GPC6: variants seen among roughly 807,000 people sequenced by gnomAD.
GPC6 encodes the protein glypican-6.
Under a neutral mutation model 55.2 loss-of-function variants are expected in GPC6, and 14 were observed. The ratio of observed to expected loss-of-function variants is 0.25; its 90% confidence interval spans 0.17 to 0.40. The LOEUF is 0.40. Among genes scored for constraint, GPC6 ranks in the 10% least tolerant of loss-of-function variants. The probability of loss-of-function intolerance (pLI) is 1.00; values close to 1 mark genes in which losing one functional copy is unlikely to be tolerated. For missense variants in GPC6, 641 were observed against 708.5 expected, an observed-to-expected ratio of 0.90 and a Z score of 1.08; for synonymous variants, 278 against 259.6, an observed-to-expected ratio of 1.07 and a Z score of -0.68.
chr13:93,736,409 C>T (rs1410859517), intron 2 of GPC6, among the ~76,000 whole-genome samples: 1 of 152,030 alleles, frequency 6.6e-6, no homozygotes, highest in African/African-American at 2.4e-5. Flanking sequence ...TTAATATGTT[C>T]CAATATAATT....
At chr13:93,682,396 T>C (rs1230650177) in intron 2 of GPC6, among the ~76,000 whole-genome samples, 1 of 152,096 alleles carries the variant, frequency 6.6e-6, no homozygotes, top group East Asian at 1.9e-4. Flanking sequence ...TGGACCCTTA[T>C]GCGTACACAC....
At chr13:93,297,149 C>T (rs1878523406) in intron 1 of GPC6, among the ~76,000 whole-genome samples, 2 of 152,294 alleles carry the variant, frequency 1.3e-5, no homozygotes, top group South Asian at 4.1e-4. Flanking sequence ...ACTCTACCCT[C>T]CTACCTTAAA....
At chr13:93,785,592 G>T (rs1157149478) in intron 2 of GPC6, among the ~76,000 whole-genome samples, 1 of 152,208 alleles carries the variant, frequency 6.6e-6, no homozygotes, top group African/African-American at 2.4e-5. Flanking sequence ...TCAAACAGCT[G>T]TTCTGTGCAG....
chr13:93,360,229 G>A (rs920738567), intron 1 of GPC6, among the ~76,000 whole-genome samples: 4 of 152,140 alleles, frequency 2.6e-5, no homozygotes, highest in Non-Finnish European at 4.4e-5. Flanking sequence ...TTAGAGAATC[G>A]GAATCGTCAA....
At chr13:93,952,828 T>TAC (rs1566619552) in intron 3 of GPC6, among the ~76,000 whole-genome samples, 1 of 148,296 alleles carries the variant, frequency 6.7e-6, no homozygotes, top group Non-Finnish European at 1.5e-5. Context: ...CACATATATA[T>TAC]ACGTATATAT....
chr13:93,513,493 C>T (rs1011492685), intron 1 of GPC6, among the ~76,000 whole-genome samples: 1 of 152,106 alleles, frequency 6.6e-6, no homozygotes, highest in Admixed American at 6.5e-5. Flanking sequence ...CTAGGTTTTA[C>T]CTTTGTGTCT....
chr13:93,605,289 A>T (rs545546772), intron 2 of GPC6, among the ~76,000 whole-genome samples: 60 of 152,338 alleles, frequency 3.9e-4, no homozygotes, highest in African/African-American at 1.4e-3. Flanking sequence ...TTTAGAGTAG[A>T]TAAGTAAGTT....
At chr13:94,271,703 ATG>A (rs1892033375) in intron 4 of GPC6, among the ~76,000 whole-genome samples, 2 of 151,972 alleles carry the variant, frequency 1.3e-5, no homozygotes, top group Admixed American at 1.3e-4. Context: ...ATGACAAAAG[ATG>A]TGTCTCTCTC....
At chr13:94,092,871 T>C (rs183115699) in intron 4 of GPC6, among the ~76,000 whole-genome samples, 40 of 152,282 alleles carry the variant, frequency 2.6e-4, no homozygotes, top group Non-Finnish European at 4.4e-4. Flanking sequence ...ATTTCCCTGA[T>C]GATTAGTGAT....
intron 1 of GPC6, among the ~76,000 whole-genome samples, chr13:93,467,008 A>C (rs1878928296): frequency 6.6e-6 from 1 of 152,238 alleles, no homozygotes; most frequent in Non-Finnish European, 1.5e-5. Flanking sequence ...TACTTTTCTT[A>C]ATGATACATA....
At chr13:94,184,482 C>T (rs1160088588) in intron 4 of GPC6, among the ~76,000 whole-genome samples, 1 of 151,902 alleles carries the variant, frequency 6.6e-6, no homozygotes, top group Non-Finnish European at 1.5e-5. Context: ...GGACAAAGGA[C>T]ATAACAGATA....
At chr13:94,278,278 AT>A (rs1214878977) in intron 4 of GPC6, among the ~76,000 whole-genome samples, 1 of 152,178 alleles carries the variant, frequency 6.6e-6, no homozygotes, top group Non-Finnish European at 1.5e-5. Flanking sequence ...ATCTTTTCAC[AT>A]TGATTTTGTG....
intron 1 of GPC6, among the ~76,000 whole-genome samples, chr13:93,543,301 G>T (rs1882404143): frequency 6.6e-6 from 1 of 152,034 alleles, no homozygotes; most frequent in Admixed American, 6.6e-5. Context: ...TTTGTCTTTG[G>T]TTCTGTTTAT....
chr13:94,234,555 A>G (rs1279918336), intron 4 of GPC6, among the ~76,000 whole-genome samples: 1 of 144,700 alleles, frequency 6.9e-6, no homozygotes, highest in African/African-American at 2.6e-5. Flanking sequence ...CCAAGAACTT[A>G]AAAAAACAAG....
intron 1 of GPC6, among the ~76,000 whole-genome samples, chr13:93,279,728 A>T (rs1877880271): frequency 6.6e-6 from 1 of 152,230 alleles, no homozygotes; most frequent in Non-Finnish European, 1.5e-5. Context: ...AGTATGATAT[A>T]ACTCTACTTA....
intron 3 of GPC6, among the ~76,000 whole-genome samples, chr13:93,941,359 G>A (rs1878727315): frequency 6.6e-6 from 1 of 152,086 alleles, no homozygotes; most frequent in African/African-American, 2.4e-5. Flanking sequence ...CTGATAATGT[G>A]AGTTGATCTA....
chr13:94,238,014 G>T (rs553398242), intron 4 of GPC6, among the ~76,000 whole-genome samples: 3 of 152,254 alleles, frequency 2.0e-5, no homozygotes, highest in Non-Finnish European at 4.4e-5. Context: ...TTTTGGAAGA[G>T]GAATTAGTAG....
At chr13:93,643,603 C>T (rs947986223) in intron 2 of GPC6, among the ~76,000 whole-genome samples, 1 of 152,092 alleles carries the variant, frequency 6.6e-6, no homozygotes, top group South Asian at 2.1e-4. Context: ...AGCTCCCCAT[C>T]TCTAGTGACA....
At chr13:93,968,299 A>G (rs1229575961) in intron 3 of GPC6, among the ~76,000 whole-genome samples, 1 of 152,208 alleles carries the variant, frequency 6.6e-6, no homozygotes, top group East Asian at 1.9e-4. Flanking sequence ...ATTTTAAAGA[A>G]AAATATAAAG....
Sources: gnomAD v4.1 joint callset for allele counts (sites outside exome capture counted in the v4.1 genomes callset) on GRCh38, gnomAD v4.1.1 for gene constraint, MANE v1.5 for transcripts, NCBI Gene and HGNC (gene_info 2026-07-23, HGNC 2026-07-21) for gene names.